Variants in CNTNAP5 observed in about 807,000 individuals in gnomAD.
The protein encoded by CNTNAP5 is contactin associated protein family member 5, also known as contactin-associated protein-like 5.
Under a neutral mutation model 150.2 loss-of-function variants are expected in CNTNAP5, and 72 were observed. That is an observed-to-expected ratio of 0.48 (90% CI 0.40 to 0.58). The LOEUF is 0.58. CNTNAP5 is among the 20% of genes least tolerant of loss of function. The pLI is 0.00. For missense variants in CNTNAP5, 1,636 were observed against 1,626.2 expected, an observed-to-expected ratio of 1.01 and a Z score of -0.10; for synonymous variants, 672 against 619.8, an observed-to-expected ratio of 1.08 and a Z score of -1.25.
intron 12 of CNTNAP5, among the ~76,000 whole-genome samples, chr2:124,637,590 A>T (rs1404114278): frequency 6.6e-6 from 1 of 152,210 alleles, no homozygotes; most frequent in East Asian, 1.9e-4. Context: ...ACGTGAGCAC[A>T]CTATGTGAAT....
chr2:124,675,198 CCTT>C (rs567463614), intron 13 of CNTNAP5, among the ~76,000 whole-genome samples: 128 of 152,028 alleles, frequency 8.4e-4, no homozygotes, highest in African/African-American at 2.9e-3. Context: ...TATAAAATGT[CCTT>C]CTTTGTCATT....
chr2:124,066,107 G>A (rs1682144732), intron 1 of CNTNAP5, among the ~76,000 whole-genome samples: 1 of 152,084 alleles, frequency 6.6e-6, no homozygotes, highest in African/African-American at 2.4e-5. Flanking sequence ...GCTGACACTG[G>A]GTATTGGTTC....
chr2:124,456,265 A>C (rs186516620), intron 6 of CNTNAP5, among the ~76,000 whole-genome samples: 2 of 152,288 alleles, frequency 1.3e-5, no homozygotes, highest in African/African-American at 4.8e-5. Flanking sequence ...CAACAGCGAC[A>C]ACGCTGAGAA....
rs35056317 is a variant in CNTNAP5, at chr2:124,245,581, C to CTGTG, written c.381+3204_381+3207dup. On this transcript the variant is annotated intron_variant, in intron 3 of 23. Transcript: ENST00000682447. ...AAATAGAGAATATATACATATATAT[C>CTGTG]TGTGTGTGTGTGTGTGTGTAAATAT... 3.0e-3 allele frequency among the ~76,000 whole-genome samples: 451 copies of CTGTG among 148,240 alleles called. 1 individual carries two copies. Among genetic ancestry groups the CTGTG allele is most frequent in the South Asian group, 9.4e-3 (44 of 4,682 alleles).
At chr2:124,059,611 T>A (rs1573724563) in intron 1 of CNTNAP5, among the ~76,000 whole-genome samples, 1 of 65,958 alleles carries the variant, frequency 1.5e-5, no homozygotes, top group South Asian at 4.3e-4. Flanking sequence ...CTGCATTTTC[T>A]TTTTTTTTTA....
At chr2:124,505,602 C>A (rs538142834) in intron 8 of CNTNAP5, among the ~76,000 whole-genome samples, 1 of 152,136 alleles carries the variant, frequency 6.6e-6, no homozygotes, top group Non-Finnish European at 1.5e-5. Context: ...GATCTTACTG[C>A]CTAGCAATAC....
intron 11 of CNTNAP5, among the ~76,000 whole-genome samples, chr2:124,597,480 T>G (rs1288705346): frequency 6.7e-6 from 1 of 150,354 alleles, no homozygotes; most frequent in East Asian, 2.0e-4. Context: ...CCCCACTCTC[T>G]TCTGGCTTGT....
intron 13 of CNTNAP5, among the ~76,000 whole-genome samples, chr2:124,670,179 C>CCTTCCTTCCTTCCTT (rs1324431370): frequency 0.072 from 6,473 of 89,342 alleles, 305 homozygotes; most frequent in Non-Finnish European, 0.095. Flanking sequence ...CTTCCTTCCT[C>CCTTCCTTCCTTCCTT]CCTCTCTTTC....
At chr2:124,722,765 C>A (rs11693380) in intron 13 of CNTNAP5, among the ~76,000 whole-genome samples, 1 of 152,000 alleles carries the variant, frequency 6.6e-6, no homozygotes, top group Non-Finnish European at 1.5e-5. Context: ...GGACAGTGGC[C>A]GCAGTGACAG....
At chr2:124,617,218 T>A (rs569723143) in intron 12 of CNTNAP5, among the ~76,000 whole-genome samples, 27 of 152,236 alleles carry the variant, frequency 1.8e-4, no homozygotes, top group African/African-American at 3.6e-4. Context: ...ACTTTTTTTT[T>A]AATGAACTAT....
At chr2:124,650,271 T>C (rs964105717) in intron 13 of CNTNAP5, among the ~76,000 whole-genome samples, 14 of 152,142 alleles carry the variant, frequency 9.2e-5, no homozygotes, top group Non-Finnish European at 1.8e-4. Context: ...CCTCTTGGCT[T>C]CCACCTCCAG....
intron 3 of CNTNAP5, among the ~76,000 whole-genome samples, chr2:124,271,693 C>G (rs1687760689): frequency 8.5e-6 from 1 of 117,150 alleles, no homozygotes. Flanking sequence ...ATCTATCTAT[C>G]TATCTATCAT....
intron 11 of CNTNAP5, among the ~76,000 whole-genome samples, chr2:124,571,571 C>T (rs375425167): frequency 3.7e-4 from 19 of 51,448 alleles, no homozygotes; most frequent in African/African-American, 2.2e-3. Context: ...CACTCTGTCA[C>T]CCACAGGCTA....
At chr2:124,740,480 G>A (rs946831383) in intron 13 of CNTNAP5, among the ~76,000 whole-genome samples, 1 of 152,128 alleles carries the variant, frequency 6.6e-6, no homozygotes, top group Non-Finnish European at 1.5e-5. Flanking sequence ...ATTGGGGCTG[G>A]GTTGGCACAG....
intron 3 of CNTNAP5, among the ~76,000 whole-genome samples, chr2:124,315,866 A>G (rs1217294013): frequency 2.0e-5 from 3 of 152,206 alleles, no homozygotes; most frequent in Non-Finnish European, 4.4e-5. Flanking sequence ...AGCATGAGAA[A>G]AAAAATTTCT....
At chr2:124,622,635 G>A (rs1348215301) in intron 12 of CNTNAP5, among the ~76,000 whole-genome samples, 2 of 151,796 alleles carry the variant, frequency 1.3e-5, no homozygotes, top group African/African-American at 4.8e-5. Flanking sequence ...AGCGTCTGTT[G>A]TTTTTACTTT....
chr2:124,210,724 G>A (rs1685985550), intron 1 of CNTNAP5, among the ~76,000 whole-genome samples: 1 of 151,992 alleles, frequency 6.6e-6, no homozygotes, highest in Non-Finnish European at 1.5e-5. Flanking sequence ...GTATTTCCTT[G>A]TTTTTATTTC....
At chr2:124,494,375 A>T (rs1305380936) in intron 7 of CNTNAP5, among the ~76,000 whole-genome samples, 5 of 152,066 alleles carry the variant, frequency 3.3e-5, no homozygotes, top group Non-Finnish European at 5.9e-5. Flanking sequence ...GAGGAAGAGT[A>T]CATCCCAGCT....
chr2:124,175,807 C>A (rs998181414), intron 1 of CNTNAP5, among the ~76,000 whole-genome samples: 1 of 152,050 alleles, frequency 6.6e-6, no homozygotes, highest in Admixed American at 6.6e-5. Context: ...GTATATGTAC[C>A]ACATTTGTAA....
Sources: gnomAD v4.1 joint callset for allele counts (sites outside exome capture counted in the v4.1 genomes callset) on GRCh38, gnomAD v4.1.1 for gene constraint, MANE v1.5 for transcripts, NCBI Gene and HGNC (gene_info 2026-07-23, HGNC 2026-07-21) for gene names.